LRRC63: variants seen among roughly 807,000 people sequenced by gnomAD.
The protein encoded by LRRC63 is leucine rich repeat containing 63.
Under a neutral mutation model 49.5 loss-of-function variants are expected in LRRC63, and 40 were observed. The observed-to-expected ratio is 0.81, with a 90% CI of 0.63 to 1.05. The LOEUF is 1.05. Among genes scored for constraint, LRRC63 ranks in the 50% least tolerant of loss-of-function variants. The probability of loss-of-function intolerance (pLI) is 0.00; values close to 1 mark genes in which losing one functional copy is unlikely to be tolerated. For missense variants in LRRC63, 636 were observed against 663.1 expected (o/e 0.96, Z 0.45); for synonymous variants, 191 against 221.1 (o/e 0.86, Z 1.21).
chr13:46,219,984 C>T (rs1186505723), intron 2 of LRRC63, among the ~76,000 whole-genome samples: 1 of 152,166 alleles, frequency 6.6e-6, no homozygotes, highest in East Asian at 1.9e-4. Context: ...AAGCTTCATC[C>T]CAGAGGGGCA....
intron 2 of LRRC63, among the ~76,000 whole-genome samples, chr13:46,227,016 A>G (rs2046596150): frequency 6.6e-6 from 1 of 152,348 alleles, no homozygotes; most frequent in South Asian, 2.1e-4. Context: ...AAATGAGCTT[A>G]TGGCACCTGT....
intron 3 of LRRC63, among the ~76,000 whole-genome samples, 191 bp from the exon 4 acceptor site, chr13:46,228,474 C>T (rs2046644135): frequency 6.6e-6 from 1 of 152,120 alleles, no homozygotes; most frequent in South Asian, 2.1e-4. Flanking sequence ...AGTGAGAATA[C>T]ACAGTCATTC....
chr13:46,276,491 A>G lies in LRRC63; in HGVS notation c.1551-99A>G, dbSNP rs115948471. The G allele has an allele frequency of 5.5e-3, 2,801 of 512,186 alleles. 66 individuals are homozygous for G. The highest frequency in any genetic ancestry group is 0.05 in the African/African-American group (2,549 of 50,604). 31.7% of individuals were successfully genotyped at this position (512,186 alleles called of 1,614,324 possible). ...ACTCACCTAGCTGGTAAGCTCAATG[A>G]AGGTAAGGGCAGTATTTTATACTAT... is the stretch of plus-strand genomic sequence containing the variant. On this transcript the variant is annotated intron_variant, in intron 9 of 9. Transcript: ENST00000595396.
chr13:46,227,401 T>C, intron 2 of LRRC63, 111 bp from the exon 3 acceptor site: 1 of 723,670 alleles, frequency 1.4e-6, no homozygotes, highest in East Asian at 2.9e-5. Flanking sequence ...CAGAAACATT[T>C]TTAGAAGGTG....
intron 7 of LRRC63, among the ~76,000 whole-genome samples, chr13:46,258,461 A>C (rs1228103153): frequency 1.3e-5 from 2 of 151,382 alleles, no homozygotes; most frequent in Non-Finnish European, 2.9e-5. Context: ...TTCCATCTGA[A>C]AGTTTAGAAA....
intron 5 of LRRC63, among the ~76,000 whole-genome samples, chr13:46,240,914 G>A (rs2047043526): frequency 6.6e-6 from 1 of 152,074 alleles, no homozygotes; most frequent in Non-Finnish European, 1.5e-5. Context: ...ACTGACGAAA[G>A]CGATTTATAG....
intron 8 of LRRC63, 71 bp from the exon 9 acceptor site, chr13:46,266,662 T>C: frequency 7.6e-7 from 1 of 1,308,418 alleles, no homozygotes; most frequent in East Asian, 2.6e-5. Context: ...CATGAACAAT[T>C]GAGGCAGAAT....
chr13:46,252,856 G>C (rs2047419416), intron 7 of LRRC63, among the ~76,000 whole-genome samples: 1 of 152,066 alleles, frequency 6.6e-6, no homozygotes, highest in Non-Finnish European at 1.5e-5. Flanking sequence ...CAAGTGGTAA[G>C]AAATGGTACA....
At chr13:46,276,500 G>A in intron 9 of LRRC63, 90 bp from the exon 10 acceptor site, 1 of 554,692 alleles carries the variant, frequency 1.8e-6, no homozygotes, top group Non-Finnish European at 2.7e-6. Context: ...GAAGGTAAGG[G>A]CAGTATTTTA....
chr13:46,251,030 A>G (rs566243508), intron 7 of LRRC63, among the ~76,000 whole-genome samples: 1 of 152,000 alleles, frequency 6.6e-6, no homozygotes, highest in South Asian at 2.1e-4. Context: ...ATGGACTAGT[A>G]ATTATTTAAC....
At chr13:46,239,271 C>A (rs552225263) in intron 5 of LRRC63, among the ~76,000 whole-genome samples, 30 of 148,986 alleles carry the variant, frequency 2.0e-4, no homozygotes, top group Admixed American at 1.7e-3. Flanking sequence ...AAGAGAAAAT[C>A]CAAATAAACA....
At chr13:46,234,292 G>C in exon 5 of LRRC63, 1 of 1,550,266 alleles carries the variant, frequency 6.5e-7, no homozygotes, top group Non-Finnish European at 8.7e-7. Flanking sequence ...TAACAGCCAT[G>C]ACCAACCTGG....
At chr13:46,245,853 G>T (rs1049594343) in intron 5 of LRRC63, among the ~76,000 whole-genome samples, 4 of 152,190 alleles carry the variant, frequency 2.6e-5, no homozygotes, top group African/African-American at 9.7e-5. Context: ...AGCAATGTTT[G>T]CTTGTTATTG....
chr13:46,260,082 G>A (rs947047265), intron 7 of LRRC63, among the ~76,000 whole-genome samples: 6 of 152,244 alleles, frequency 3.9e-5, no homozygotes, highest in African/African-American at 1.4e-4. Context: ...ATCATATATA[G>A]ATGACATAAA....
At chr13:46,225,507 A>G (rs1354466652) in intron 2 of LRRC63, among the ~76,000 whole-genome samples, 1 of 152,218 alleles carries the variant, frequency 6.6e-6, no homozygotes, top group Non-Finnish European at 1.5e-5. Context: ...ACTAATGAGT[A>G]TAAATTACTC....
At chr13:46,230,279 T>G (rs936201045) in intron 4 of LRRC63, among the ~76,000 whole-genome samples, 1 of 152,234 alleles carries the variant, frequency 6.6e-6, no homozygotes, top group African/African-American at 2.4e-5. Context: ...AAGTCTCACG[T>G]GAGACAAGGC....
intron 8 of LRRC63, among the ~76,000 whole-genome samples, chr13:46,262,238 T>C (rs975383253): frequency 6.6e-6 from 1 of 152,164 alleles, no homozygotes; most frequent in Non-Finnish European, 1.5e-5. Flanking sequence ...TTATGTCCAT[T>C]TGTCTGTGTG....
Position 46,228,664 on chromosome 13 carries a change from G to T in LRRC63, c.764-1G>T. 2 of 1,532,230 alleles carry T rather than the reference G, an allele frequency of 1.3e-6. No individual in the cohort carries two copies. Among genetic ancestry groups the T allele is most frequent in the Non-Finnish European group, 1.8e-6 (2 of 1,133,220 alleles). The allele number at this position is 1,532,230 out of a possible 1,614,324, so 94.9% of individuals were successfully genotyped here. A position where few individuals can be genotyped will look rare whatever the true frequency, so the allele number is the denominator to read the frequency against. Reference sequence around the variant, plus strand: ...ATCCCATTTGTTTTTCATTTTTCTAGAAACTCTTGTAACAGAAAATGGAAA... The same window carrying T: ...ATCCCATTTGTTTTTCATTTTTCTATAAACTCTTGTAACAGAAAATGGAAA... On this transcript the variant is annotated splice_acceptor_variant, in intron 3 of 9. Coordinates refer to ENST00000595396, the Ensembl canonical transcript of LRRC63. LOFTEE classifies it high-confidence loss of function.
intron 2 of LRRC63, among the ~76,000 whole-genome samples, chr13:46,213,913 C>G (rs2046170224): frequency 6.6e-6 from 1 of 152,104 alleles, no homozygotes; most frequent in Admixed American, 6.5e-5. Flanking sequence ...ATTTAGTGAG[C>G]AAAAACAGAC....
Sources: gnomAD v4.1 joint callset for allele counts (sites outside exome capture counted in the v4.1 genomes callset) on GRCh38, gnomAD v4.1.1 for gene constraint, MANE v1.5 for transcripts, NCBI Gene and HGNC (gene_info 2026-07-23, HGNC 2026-07-21) for gene names.